The following FBXW11 variants were observed in gnomAD, a reference collection of about 807,000 sequenced individuals.
FBXW11 encodes the protein F-box and WD repeat domain containing 11, also known as F-box/WD repeat-containing protein 11.
In FBXW11, 19 loss-of-function variants were observed where a neutral mutation model predicts 77.6. The ratio of observed to expected loss-of-function variants is 0.24; its 90% CI spans 0.17 to 0.36. FBXW11 has a LOEUF of 0.36. FBXW11 is among the 10% of genes least tolerant of loss of function. The pLI, the probability that FBXW11 is intolerant of heterozygous loss-of-function variation, is 1.00. For synonymous variants in FBXW11, 235 were observed against 249.4 expected (o/e 0.94, Z 0.54); for missense variants, 334 against 704.2 (o/e 0.47, Z 5.95).
At chr5:171,920,432 A>AC (rs1761527403) in intron 2 of FBXW11, among the ~76,000 whole-genome samples, 1 of 151,320 alleles carries the variant, frequency 6.6e-6, no homozygotes. Flanking sequence ...AAAAAAAAAA[A>AC]AACCCTGAAG....
intron 2 of FBXW11, among the ~76,000 whole-genome samples, chr5:171,938,688 G>C (rs1762598795): frequency 6.6e-6 from 1 of 152,044 alleles, no homozygotes; most frequent in Non-Finnish European, 1.5e-5. Context: ...GTAACAATAT[G>C]AAAATACATA....
chr5:171,976,451 T>C (rs993709541), intron 1 of FBXW11, among the ~76,000 whole-genome samples: 5 of 152,178 alleles, frequency 3.3e-5, no homozygotes, highest in Non-Finnish European at 7.3e-5. Context: ...AGCACTGTGA[T>C]AGATGCTGTT....
chr5:171,927,835 T>C (rs1761971239), intron 2 of FBXW11, among the ~76,000 whole-genome samples: 1 of 152,262 alleles, frequency 6.6e-6, no homozygotes, highest in Non-Finnish European at 1.5e-5. Context: ...TGGTCAAATT[T>C]AGAAATCCAT....
intron 2 of FBXW11, among the ~76,000 whole-genome samples, chr5:171,930,875 T>C (rs999388518): frequency 1.3e-5 from 2 of 151,792 alleles, no homozygotes; most frequent in Admixed American, 1.3e-4. Flanking sequence ...TCAATCACTT[T>C]CCTATATACC....
chr5:171,919,918 G>A (rs891791337), intron 2 of FBXW11, among the ~76,000 whole-genome samples: 1 of 152,148 alleles, frequency 6.6e-6, no homozygotes, highest in African/African-American at 2.4e-5. Context: ...CACTTTGGGA[G>A]GCTGAAGTGG....
At chr5:171,897,071 T>C (rs1350014271) in intron 6 of FBXW11, among the ~76,000 whole-genome samples, 2 of 152,190 alleles carry the variant, frequency 1.3e-5, no homozygotes, top group Non-Finnish European at 2.9e-5. Flanking sequence ...TCACAGACTC[T>C]CAATTACCCA....
At chr5:171,887,192 T>C (rs1758964755) in intron 7 of FBXW11, among the ~76,000 whole-genome samples, 1 of 152,154 alleles carries the variant, frequency 6.6e-6, no homozygotes, top group African/African-American at 2.4e-5. Flanking sequence ...CTAAACTTCC[T>C]TGGAGGGCAT....
chr5:171,985,780 A>T (rs925995698), intron 1 of FBXW11, among the ~76,000 whole-genome samples: 1 of 152,016 alleles, frequency 6.6e-6, no homozygotes, highest in African/African-American at 2.4e-5. Context: ...ACCGAAAAAT[A>T]AAATATGATT....
At chr5:171,915,228 A>C (rs1424667057) in intron 2 of FBXW11, among the ~76,000 whole-genome samples, 1 of 152,222 alleles carries the variant, frequency 6.6e-6, no homozygotes, top group East Asian at 1.9e-4. Flanking sequence ...AATTCCTTCC[A>C]AAACCTAAAA....
intron 1 of FBXW11, among the ~76,000 whole-genome samples, chr5:171,971,499 TTA>T (rs1414004221): frequency 4.6e-5 from 7 of 152,210 alleles, no homozygotes; most frequent in Non-Finnish European, 5.9e-5. Context: ...ATTTTCCCAC[TTA>T]TTTTGTTTTT....
intron 4 of FBXW11, 26 bp downstream of exon 4, chr5:171,910,546 G>C (rs1432886939): frequency 6.4e-7 from 1 of 1,574,086 alleles, no homozygotes; most frequent in East Asian, 2.3e-5. Flanking sequence ...CAACTGCTCA[G>C]CTTTTGAAAA....
chr5:171,921,479 T>C (rs1367603772), intron 2 of FBXW11, among the ~76,000 whole-genome samples: 1 of 152,104 alleles, frequency 6.6e-6, no homozygotes, highest in Admixed American at 6.5e-5. Flanking sequence ...CACAGAAAAA[T>C]GTGTCTTAGG....
intron 1 of FBXW11, among the ~76,000 whole-genome samples, chr5:171,972,085 T>C (rs2113426242): frequency 7.3e-6 from 1 of 137,068 alleles, no homozygotes; most frequent in South Asian, 2.3e-4. Flanking sequence ...TACAAAAATT[T>C]AGCTGGGCGT....
chr5:171,874,374 A>G (rs1186312931), intron 9 of FBXW11, among the ~76,000 whole-genome samples: 1 of 152,230 alleles, frequency 6.6e-6, no homozygotes, highest in African/African-American at 2.4e-5. Context: ...AGTGTTGGCA[A>G]GGATATGGAG....
At chr5:172,002,709 T>TTTTTTTTTTTTTTTTTTTTTTTTTC (rs1766490106) in intron 1 of FBXW11, among the ~76,000 whole-genome samples, 1 of 140,346 alleles carries the variant, frequency 7.1e-6, no homozygotes, top group Non-Finnish European at 1.5e-5. Flanking sequence ...TTTTTTTTTT[T>TTTTTTTTTTTTTTTTTTTTTTTTTC]TTTTTTTTGA....
intron 1 of FBXW11, among the ~76,000 whole-genome samples, chr5:171,998,540 T>C (rs1766210853): frequency 6.6e-6 from 1 of 151,658 alleles, no homozygotes; most frequent in Non-Finnish European, 1.5e-5. Flanking sequence ...CTCACACCTG[T>C]AGTCCCAACA....
chr5:171,950,737 A>G (rs928740428), intron 2 of FBXW11, among the ~76,000 whole-genome samples: 5 of 152,108 alleles, frequency 3.3e-5, no homozygotes, highest in African/African-American at 9.7e-5. Context: ...AATACAAAAA[A>G]TTAGCCAGGC....
intron 2 of FBXW11, among the ~76,000 whole-genome samples, chr5:171,931,026 G>T (rs920777660): frequency 1.3e-5 from 2 of 151,970 alleles, no homozygotes; most frequent in Non-Finnish European, 2.9e-5. Flanking sequence ...GGAAATCAAA[G>T]AACTAAATTA....
chr5:171,990,255 T>A (rs190390148), intron 1 of FBXW11, among the ~76,000 whole-genome samples: 1 of 152,306 alleles, frequency 6.6e-6, no homozygotes, highest in Non-Finnish European at 1.5e-5. Context: ...TATACTTTTT[T>A]ACCTCAACTC....
Sources: allele counts gnomAD v4.1 joint callset (sites outside exome capture counted in the v4.1 genomes callset), GRCh38; gene constraint gnomAD v4.1.1; transcripts MANE v1.5; gene names NCBI Gene and HGNC (gene_info 2026-07-23, HGNC 2026-07-21).